VWC2: variants seen among roughly 807,000 people sequenced by gnomAD.
VWC2 encodes von Willebrand factor C domain containing 2.
Under a neutral mutation model 29.8 loss-of-function variants are expected in VWC2, and 14 were observed. That is an observed-to-expected ratio of 0.47 (90% confidence interval 0.31 to 0.74). The LOEUF (loss-of-function observed/expected upper bound fraction) is 0.74, where lower values mean the gene tolerates loss of function less well. Among genes scored for constraint, VWC2 ranks in the 30% least tolerant of loss-of-function variants. The pLI is 0.05. For missense variants in VWC2, 457 were observed against 459.8 expected, an observed-to-expected ratio of 0.99 and a Z score of 0.05; for synonymous variants, 213 against 199.0, an observed-to-expected ratio of 1.07 and a Z score of -0.59.
At chr7:49,851,625 C>T (rs568692909) in intron 3 of VWC2, among the ~76,000 whole-genome samples, 5 of 152,138 alleles carry the variant, frequency 3.3e-5, no homozygotes, top group Non-Finnish European at 5.9e-5. Context: ...TTCGGGAGGC[C>T]GAGGCGGGTG....
chr7:49,894,005 T>C (rs1226883680), intron 3 of VWC2, among the ~76,000 whole-genome samples: 1 of 152,196 alleles, frequency 6.6e-6, no homozygotes, highest in East Asian at 1.9e-4. Context: ...GGGGGCTGTG[T>C]CATTCTGGTG....
At chr7:49,862,688 G>T (rs1790704095) in intron 3 of VWC2, among the ~76,000 whole-genome samples, 1 of 147,968 alleles carries the variant, frequency 6.8e-6, no homozygotes, top group African/African-American at 2.5e-5. Flanking sequence ...ATTGGATTTT[G>T]TTAAATGCTT....
chr7:49,825,444 T>C (rs1789371322), intron 3 of VWC2, among the ~76,000 whole-genome samples: 1 of 152,184 alleles, frequency 6.6e-6, no homozygotes, highest in African/African-American at 2.4e-5. Flanking sequence ...CTTCTGAGGA[T>C]TGATGGTTTT....
At chr7:49,885,176 A>C (rs1232071446) in intron 3 of VWC2, among the ~76,000 whole-genome samples, 1 of 152,144 alleles carries the variant, frequency 6.6e-6, no homozygotes, top group Non-Finnish European at 1.5e-5. Context: ...CACATAAGAA[A>C]TTGAAATAAT....
intron 3 of VWC2, among the ~76,000 whole-genome samples, chr7:49,805,261 C>A (rs752172995): frequency 6.6e-6 from 1 of 152,018 alleles, no homozygotes; most frequent in East Asian, 1.9e-4. Flanking sequence ...TTTTGAGAGG[C>A]AGTATGGGAT....
At chr7:49,828,060 C>T (rs1050683981) in intron 3 of VWC2, among the ~76,000 whole-genome samples, 2 of 152,176 alleles carry the variant, frequency 1.3e-5, no homozygotes, top group Non-Finnish European at 2.9e-5. Context: ...ATACCTACTT[C>T]CAGTTTCTTT....
At chr7:49,798,516 A>G (rs549727983) in intron 2 of VWC2, among the ~76,000 whole-genome samples, 1 of 152,176 alleles carries the variant, frequency 6.6e-6, no homozygotes, top group African/African-American at 2.4e-5. Flanking sequence ...GCACTAGCAC[A>G]TTGTCCTGGA....
At chr7:49,851,324 T>G (rs529885441) in intron 3 of VWC2, among the ~76,000 whole-genome samples, 1 of 152,298 alleles carries the variant, frequency 6.6e-6, no homozygotes, top group African/African-American at 2.4e-5. Flanking sequence ...CTTTTCCAAA[T>G]AAGGCCTCAT....
chr7:49,857,304 CT>C (rs1790467161), intron 3 of VWC2, among the ~76,000 whole-genome samples: 1 of 152,178 alleles, frequency 6.6e-6, no homozygotes, highest in African/African-American at 2.4e-5. Flanking sequence ...CTGTGACTGG[CT>C]TTTTCCACTA....
chr7:49,896,944 A>G (rs993184664), intron 3 of VWC2, among the ~76,000 whole-genome samples: 2 of 139,196 alleles, frequency 1.4e-5, no homozygotes, highest in East Asian at 2.1e-4. Context: ...GCCGGACTGC[A>G]GACTGCAGTG....
At chr7:49,829,046 G>C (rs1789467356) in intron 3 of VWC2, among the ~76,000 whole-genome samples, 1 of 152,136 alleles carries the variant, frequency 6.6e-6, no homozygotes, top group African/African-American at 2.4e-5. Flanking sequence ...GGCTAACCCT[G>C]CCGCTTCCCA....
At position 49,920,862 on chromosome 7, in the gene VWC2, T is replaced by C. The variant is rs147679605; in HGVS notation, c.*8677T>C. ...AAGGTACCTGATGAATGTAAAATTA[T>C]AGCTTTTTGTCTTCATTTCTAATAG... On this transcript the variant is annotated 3_prime_UTR_variant, in exon 4 of 4. Coordinates refer to ENST00000340652, the MANE Select transcript of VWC2 (RefSeq NM_198570.5). 6.2e-3 allele frequency: 944 copies of C among 152,316 alleles called. 7 individuals carry two copies. The highest frequency in any genetic ancestry group is 0.021 in the African/African-American group (878 of 41,566). The allele number at this position is 152,316 out of a possible 1,614,324, so 9.4% of individuals were successfully genotyped here.
At chr7:49,793,804 G>T (rs901055439) in intron 2 of VWC2, among the ~76,000 whole-genome samples, 4 of 152,164 alleles carry the variant, frequency 2.6e-5, no homozygotes, top group African/African-American at 7.2e-5. Flanking sequence ...TCACTTCAAA[G>T]TTAATAACCA....
chr7:49,784,156 A>G (rs1049133707), intron 2 of VWC2, among the ~76,000 whole-genome samples: 6 of 152,236 alleles, frequency 3.9e-5, no homozygotes, highest in African/African-American at 1.4e-4. Flanking sequence ...TAATTTTATT[A>G]CATGGATACA....
At chr7:49,894,028 C>G (rs142088607) in intron 3 of VWC2, among the ~76,000 whole-genome samples, 217 of 152,298 alleles carry the variant, frequency 1.4e-3, no homozygotes, top group African/African-American at 4.8e-3. Context: ...ACGAACCATT[C>G]CTCAACACCT....
chr7:49,876,870 G>T (rs946273443), intron 3 of VWC2, among the ~76,000 whole-genome samples: 1 of 151,892 alleles, frequency 6.6e-6, no homozygotes, highest in Non-Finnish European at 1.5e-5. Context: ...ACAACGCACC[G>T]AGATGACTTA....
Position 49,775,563 on chromosome 7 carries a change from C to T in VWC2, c.128C>T (p.Pro43Leu). 1 of 1,547,196 alleles carries T rather than the reference C, an allele frequency of 6.5e-7. No homozygotes were observed. The highest frequency in any genetic ancestry group is 1.4e-5 in the African/African-American group (1 of 71,296). Residue 43 changes from proline (P) to leucine (L), a missense_variant, in exon 2 of 4, where the codon CCG becomes CTG. Physicochemically the swap from Pro to Leu is moderately conservative, Grantham distance 98 (BLOSUM62 -3). Coordinates refer to ENST00000340652, the MANE Select transcript of VWC2 (RefSeq NM_198570.5). The part of the protein sequence containing the change: ...LEKLAQAPEQ[P>L]GQEKREHASR... ...AAGCTGGCCCAGGCACCAGAGCAGC[C>T]GGGCCAGGAGAAGCGTGAGCACGCC...
At chr7:49,779,308 A>G (rs1321897840) in intron 2 of VWC2, among the ~76,000 whole-genome samples, 1 of 152,082 alleles carries the variant, frequency 6.6e-6, no homozygotes, top group Non-Finnish European at 1.5e-5. Context: ...CTTTTACCCC[A>G]TTAAAACTTC....
At position 49,912,061 on chromosome 7, in the gene VWC2, T is replaced by C; in HGVS notation, c.854T>C (p.Val285Ala). ...NGPNCFAETA[V>A]IPAGREVKTD... ...CCAAACTGCTTTGCAGAAACCGCGG[T>C]GATCCCTGCTGGCAGAGAAGTGAAG... The change falls in exon 4 of 4, where the codon GTG (valine) becomes GCG (alanine). Residue 285 changes from valine to alanine, a missense_variant. Physicochemically the swap from Val to Ala is moderately conservative, Grantham distance 64. Coordinates refer to ENST00000340652, the MANE Select transcript of VWC2 (RefSeq NM_198570.5). 1.2e-6 allele frequency: 2 copies of C among 1,613,090 alleles called. No homozygotes were observed. The highest frequency in any genetic ancestry group is 1.7e-6 in the Non-Finnish European group (2 of 1,179,464).
Sources: allele counts gnomAD v4.1 joint callset (sites outside exome capture counted in the v4.1 genomes callset), GRCh38; gene constraint gnomAD v4.1.1; transcripts MANE v1.5; gene names NCBI Gene and HGNC (gene_info 2026-07-23, HGNC 2026-07-21).